TENM3: variants seen among roughly 807,000 people sequenced by gnomAD.
The protein encoded by TENM3 is teneurin transmembrane protein 3, also known as teneurin-3.
Under a neutral mutation model 255.1 loss-of-function variants are expected in TENM3, and 63 were observed. That is an observed-to-expected ratio of 0.25 (90% CI 0.20 to 0.30). The LOEUF is 0.30. Ranked by LOEUF, TENM3 falls within the 10% of genes least tolerant of loss-of-function variation. The probability of loss-of-function intolerance (pLI) is 1.00; values close to 1 mark genes in which losing one functional copy is unlikely to be tolerated. For synonymous variants in TENM3, 1,306 were observed against 1,322.3 expected (o/e 0.99, Z 0.27); for missense variants, 2,929 against 3,461.1 (o/e 0.85, Z 3.86).
chr4:182,534,032 T>C (rs1005149106), intron 3 of TENM3, among the ~76,000 whole-genome samples: 3 of 152,232 alleles, frequency 2.0e-5, no homozygotes, highest in South Asian at 2.1e-4. Flanking sequence ...AAAACTAATA[T>C]ATGACTGGCT....
intron 3 of TENM3, among the ~76,000 whole-genome samples, chr4:182,450,472 G>A (rs1341525036): frequency 2.0e-5 from 3 of 152,226 alleles, no homozygotes; most frequent in East Asian, 1.9e-4. Flanking sequence ...CTAGGCAGAG[G>A]CCATCTGCTA....
chr4:182,709,665 A>C (rs1217242070), intron 12 of TENM3, among the ~76,000 whole-genome samples: 1 of 152,094 alleles, frequency 6.6e-6, no homozygotes, highest in Admixed American at 6.6e-5. Context: ...ATTATTTAGA[A>C]CCAGGTTTTT....
At chr4:181,460,557 T>C in the TENM3 span, among the ~76,000 whole-genome samples, 7 of 150,718 alleles carry the variant, frequency 4.6e-5, no homozygotes, top group Non-Finnish European at 1.0e-4. Context: ...TAATTTACTA[T>C]ATTTTGCCAT....
At chr4:181,455,464 A>G in the TENM3 span, among the ~76,000 whole-genome samples, 1 of 152,142 alleles carries the variant, frequency 6.6e-6, no homozygotes, top group Non-Finnish European at 1.5e-5. Context: ...ATAAAACATG[A>G]ACTCCTCTAA....
intron 22 of TENM3, among the ~76,000 whole-genome samples, chr4:182,758,324 A>G (rs893338854): frequency 1.3e-5 from 2 of 152,174 alleles, no homozygotes; most frequent in Non-Finnish European, 2.9e-5. Context: ...TCAAAAGGAA[A>G]TGCACAAAAA....
At chr4:182,177,508 C>G (rs1431774442) in intron 1 of TENM3, among the ~76,000 whole-genome samples, 1 of 151,642 alleles carries the variant, frequency 6.6e-6, no homozygotes, top group Non-Finnish European at 1.5e-5. Context: ...TGGAACCACC[C>G]TGAAAATTAT....
the TENM3 span, among the ~76,000 whole-genome samples, chr4:181,815,680 C>T: frequency 1.8e-4 from 28 of 152,064 alleles, no homozygotes; most frequent in Non-Finnish European, 3.5e-4. Flanking sequence ...GCTGGGAGAC[C>T]GAAGGCTGTC....
At chr4:182,448,784 C>A (rs755428540) in intron 3 of TENM3, among the ~76,000 whole-genome samples, 2 of 151,084 alleles carry the variant, frequency 1.3e-5, no homozygotes, top group African/African-American at 4.9e-5. Context: ...AGGCCCCGGC[C>A]CGCGTGTGTG....
the TENM3 span, among the ~76,000 whole-genome samples, chr4:181,898,037 G>A: frequency 6.6e-6 from 1 of 152,224 alleles, no homozygotes; most frequent in East Asian, 1.9e-4. Flanking sequence ...TCTAACAACT[G>A]CAGTCAATGA....
At chr4:181,997,002 C>T in the TENM3 span, among the ~76,000 whole-genome samples, 18 of 152,152 alleles carry the variant, frequency 1.2e-4, no homozygotes, top group Non-Finnish European at 4.4e-5. Context: ...GCAAAGAAAT[C>T]ATCATTTAAT....
chr4:182,719,297 T>A (rs944579503), intron 13 of TENM3, among the ~76,000 whole-genome samples: 3 of 135,222 alleles, frequency 2.2e-5, no homozygotes, highest in African/African-American at 8.4e-5. Flanking sequence ...AGTCTCGCTC[T>A]GTCTCCCAGG....
intron 3 of TENM3, among the ~76,000 whole-genome samples, chr4:182,362,799 C>T (rs1766119404): frequency 6.6e-6 from 1 of 152,202 alleles, no homozygotes; most frequent in Admixed American, 6.5e-5. Context: ...ATGCAGAAAT[C>T]ACCCGTCTTC....
chr4:181,863,462 G>A, the TENM3 span, among the ~76,000 whole-genome samples: 1 of 152,146 alleles, frequency 6.6e-6, no homozygotes, highest in Non-Finnish European at 1.5e-5. Flanking sequence ...GGTAGAAAAT[G>A]CATTTCTAGT....
intron 1 of TENM3, among the ~76,000 whole-genome samples, chr4:182,272,457 G>T (rs932245682): frequency 1.1e-4 from 17 of 152,106 alleles, no homozygotes; most frequent in African/African-American, 3.9e-4. Flanking sequence ...CAAATCTTCC[G>T]AGAGGCCAGC....
At chr4:182,030,104 C>CATGTGCAGG in the TENM3 span, among the ~76,000 whole-genome samples, 1 of 141,370 alleles carries the variant, frequency 7.1e-6, no homozygotes, top group Non-Finnish European at 1.5e-5. Flanking sequence ...TTACAAGATA[C>CATGTGCAGG]ATGTGCAGGA....
the TENM3 span, among the ~76,000 whole-genome samples, chr4:181,999,316 A>G: frequency 6.6e-6 from 1 of 152,150 alleles, no homozygotes; most frequent in Non-Finnish European, 1.5e-5. Flanking sequence ...GTTGTCCTGT[A>G]ATGTTCAATA....
At chr4:182,418,321 C>T (rs1176233095) in intron 3 of TENM3, among the ~76,000 whole-genome samples, 1 of 152,148 alleles carries the variant, frequency 6.6e-6, no homozygotes, top group Non-Finnish European at 1.5e-5. Context: ...TAGAAAACAG[C>T]TGAAAAGAAC....
At chr4:182,368,176 C>T (rs1766556327) in intron 3 of TENM3, among the ~76,000 whole-genome samples, 1 of 152,196 alleles carries the variant, frequency 6.6e-6, no homozygotes. Flanking sequence ...TTTATCTTCA[C>T]CACAGCCGTA....
intron 3 of TENM3, among the ~76,000 whole-genome samples, chr4:182,583,035 CTTAATG>C (rs1745654485): frequency 6.6e-6 from 1 of 152,128 alleles, no homozygotes; most frequent in African/African-American, 2.4e-5. Flanking sequence ...GAATGTCGAT[CTTAATG>C]TTAATATTTT....
Sources: gnomAD v4.1 joint callset for allele counts (sites outside exome capture counted in the v4.1 genomes callset) on GRCh38, gnomAD v4.1.1 for gene constraint, MANE v1.5 for transcripts, NCBI Gene and HGNC (gene_info 2026-07-23, HGNC 2026-07-21) for gene names.